The following KRT20 variants were observed in gnomAD, a reference collection of about 807,000 sequenced individuals.
KRT20 encodes keratin, type I cytoskeletal 20.
A neutral mutation model predicts 43.0 loss-of-function variants in KRT20; 41 were observed. That is an observed-to-expected ratio of 0.95 (90% confidence interval 0.74 to 1.24). The LOEUF is 1.24. KRT20 is among the 50% of genes most tolerant of loss of function. The pLI is 0.00. For missense variants in KRT20, 533 were observed against 521.2 expected, an observed-to-expected ratio of 1.02 and a Z score of -0.22; for synonymous variants, 207 against 200.6, an observed-to-expected ratio of 1.03 and a Z score of -0.27.
At position 40,881,227 on chromosome 17, in the gene KRT20, C is replaced by CTGTGTGTGTGTGTG. The variant is rs34632722; in HGVS notation, c.474-471_474-458dup. On this transcript the variant is annotated intron_variant, in intron 2 of 7. Coordinates refer to ENST00000167588, the MANE Select transcript of KRT20 (RefSeq NM_019010.3). ...CCTCCTCTACAATCTTACATACACACTGTGTGTGTGTGTGTGTGTGTGTGT... is the reference window on the plus strand; with the variant it reads ...CCTCCTCTACAATCTTACATACACACTGTGTGTGTGTGTGTGTGTGTGTGTGTGTGTGTGTGTGT... Among the ~76,000 whole-genome samples, 1,347 of 145,742 alleles carry CTGTGTGTGTGTGTG rather than the reference C, an allele frequency of 9.2e-3. 26 individuals are homozygous for CTGTGTGTGTGTGTG. Among genetic ancestry groups the CTGTGTGTGTGTGTG allele is most frequent in the African/African-American group, 0.033 (1,276 of 39,254 alleles).
Position 40,884,987 on chromosome 17 carries a change from C to G in KRT20, c.199G>C (p.Val67Leu). Residue 67 changes from valine to leucine, a missense_variant, in exon 1 of 8, where the codon GTT (valine) becomes CTT (leucine). Val to Leu is a conservative substitution (Grantham distance 32, BLOSUM62 1). Transcript: ENST00000167588. ...TGCATGGCCATTTTCTCATTGCCAACAAACAGGTCCCCGCCGCCTGTGAGA... is the reference window on the plus strand; with the variant it reads ...TGCATGGCCATTTTCTCATTGCCAAGAAACAGGTCCCCGCCGCCTGTGAGA... ...SDLTGGGDLF[V>L]GNEKMAMQNL... is the part of the protein sequence containing the mutation. 1 of 1,614,118 alleles carries G rather than the reference C, an allele frequency of 6.2e-7. No homozygotes were observed. Among genetic ancestry groups the G allele is most frequent in the East Asian group, 2.2e-5 (1 of 44,900 alleles).
chr17:40,876,402 C>T lies in KRT20; in HGVS notation c.1234G>A (p.Val412Ile), dbSNP rs758535549. The T allele has an allele frequency of 3.7e-6, 6 of 1,613,264 alleles. No individual in the cohort carries two copies. The highest frequency in any genetic ancestry group is 2.2e-5 in the East Asian group (1 of 44,884). The change falls in exon 8 of 8, where the codon GTC (valine) becomes ATC (isoleucine). Residue 412 changes from valine to isoleucine, a missense_variant. Transcript: ENST00000167588. ...ACCTCTTTGACTTCAGATGACACGA[C>T]CTTGCCATCCACTACTTCTTGCACG... is the stretch of plus-strand genomic sequence containing the variant. ...TVVQEVVDGK[V>I]VSSEVKEVEE...
chr17:40,880,595 C>T lies in KRT20; in HGVS notation c.630+19G>A, dbSNP rs771372665. On this transcript the variant is annotated intron_variant, in intron 3 of 7. Coordinates refer to ENST00000167588, the MANE Select transcript of KRT20 (RefSeq NM_019010.3). Reference sequence around the variant, plus strand: ...AACCATTCCATTGTTTCCAATACCACTTCTGAATATTTTCTCACCTCCTGA... The same window carrying T: ...AACCATTCCATTGTTTCCAATACCATTTCTGAATATTTTCTCACCTCCTGA... 1.9e-6 allele frequency: 3 copies of T among 1,607,238 alleles called. No individual in the cohort carries two copies. The highest frequency in any genetic ancestry group is 1.8e-4 in the Middle Eastern group (1 of 5,638).
rs553890601 is a variant in KRT20, at chr17:40,879,463, C to G, written c.918+350G>C. Among the ~76,000 whole-genome samples the G allele has an allele frequency of 3.9e-4, 59 of 152,110 alleles. 2 individuals are homozygous for G. In the Middle Eastern group the frequency reaches 0.024, roughly 61 times the overall value. On this transcript the variant is annotated intron_variant, in intron 5 of 7. Transcript: ENST00000167588. Reference sequence around the variant, plus strand: ...TAACCAATGGGTATTAGGTTTAATACCTGAGTGATGAAATAACCTGTACAA... The same window carrying G: ...TAACCAATGGGTATTAGGTTTAATAGCTGAGTGATGAAATAACCTGTACAA...
At chr17:40,879,114 A>G (rs1597850850) in intron 5 of KRT20, among the ~76,000 whole-genome samples, 1 of 152,160 alleles carries the variant, frequency 6.6e-6, no homozygotes, top group East Asian at 1.9e-4. Flanking sequence ...AAGTGGACCA[A>G]CCATTGCTCT....
At chr17:40,880,807 T>G (rs770257418) in intron 2 of KRT20, 37 bp from the exon 3 acceptor site, 28 of 1,432,902 alleles carry the variant, frequency 2.0e-5, no homozygotes, top group Non-Finnish European at 2.3e-5. Flanking sequence ...AACTGGTCCT[T>G]CTGAAGCCAT....
intron 1 of KRT20, among the ~76,000 whole-genome samples, chr17:40,883,047 A>G (rs1026114669): frequency 2.0e-5 from 3 of 152,130 alleles, no homozygotes; most frequent in Non-Finnish European, 4.4e-5. Flanking sequence ...GTTTACAAGG[A>G]TTTAGTTTAT....
In KRT20 at chr17:40,878,306, G is replaced by A; in HGVS notation, c.978C>T (p.Ala326=). ...GAGAGCTCAACAGCGACTGGAGGTT[G>A]GCTAACTGGCTGCTGTAACGGGCCT... ...ETKARYSSQL[A]NLQSLLSSLE... The change falls in exon 6 of 8, where the codon GCC becomes GCT. Residue 326 remains alanine, a synonymous_variant. Transcript: ENST00000167588. The A allele has an allele frequency of 6.2e-7, 1 of 1,614,180 alleles. No homozygotes were observed. The highest frequency in any genetic ancestry group is 8.5e-7 in the Non-Finnish European group (1 of 1,180,034).
At chr17:40,878,650 G>A (rs957492568) in intron 5 of KRT20, among the ~76,000 whole-genome samples, 3 of 152,122 alleles carry the variant, frequency 2.0e-5, no homozygotes, top group African/African-American at 7.2e-5. Flanking sequence ...GTGTGAAGAT[G>A]TTATACCTCT....
intron 5 of KRT20, among the ~76,000 whole-genome samples, chr17:40,878,705 A>G (rs566782335): frequency 3.9e-5 from 6 of 152,226 alleles, no homozygotes; most frequent in East Asian, 3.9e-4. Flanking sequence ...GCATTTCTCA[A>G]TTGCAGGATT....
At chr17:40,876,583 C>A in intron 7 of KRT20, 125 bp from the exon 8 acceptor site, 1 of 507,158 alleles carries the variant, frequency 2.0e-6, no homozygotes. Context: ...TTAAACCCAT[C>A]CTCTTTCTCA....
At chr17:40,879,647 G>T (rs927926667) in intron 5 of KRT20, among the ~76,000 whole-genome samples, 166 bp downstream of exon 5, 14 of 151,716 alleles carry the variant, frequency 9.2e-5, no homozygotes, top group Middle Eastern at 3.4e-3. Flanking sequence ...CCCTTTCCTC[G>T]ATTTCTCTCT....
At chr17:40,882,472 G>T (rs553105347) in intron 2 of KRT20, 100 bp downstream of exon 2, 3 of 495,270 alleles carry the variant, frequency 6.1e-6, no homozygotes, top group East Asian at 8.1e-5. Context: ...ACATTGAACC[G>T]TGCTTCCTTT....
rs370577040 is a variant in KRT20 at position 40,877,420 on chromosome 17, G to GTT, written c.1140-5_1140-4dup. 1,853 of 1,206,510 alleles carry GTT rather than the reference G, an allele frequency of 1.5e-3. No homozygotes were observed. The highest frequency in any genetic ancestry group is 7.9e-3 in the African/African-American group (472 of 60,022). 74.7% of individuals were successfully genotyped at this position (1,206,510 alleles called of 1,614,324 possible). ...TGCTTAACTGATATTCTGTAGTTCT[G>GTT]TTTTTTTTTTTAATGAAAAGAAGAA... is the stretch of plus-strand genomic sequence containing the variant. On this transcript the variant is annotated splice_region_variant and splice_polypyrimidine_tract_variant and intron_variant, in intron 6 of 7. Transcript: ENST00000167588.
intron 5 of KRT20, among the ~76,000 whole-genome samples, chr17:40,878,778 A>G (rs1907460638): frequency 6.6e-6 from 1 of 150,828 alleles, no homozygotes; most frequent in Non-Finnish European, 1.5e-5. Flanking sequence ...AATAAAATGC[A>G]GGTCAAACTG....
At position 40,885,197 on chromosome 17, in the gene KRT20, G is replaced by A; in HGVS notation, c.-12C>T. The A allele has an allele frequency of 6.3e-7, 1 of 1,584,396 alleles. No individual in the cohort carries two copies. The highest frequency in any genetic ancestry group is 8.6e-7 in the Non-Finnish European group (1 of 1,167,356). On this transcript the variant is annotated 5_prime_UTR_variant, in exon 1 of 8. Transcript: ENST00000167588. ...CGACTGAAATCCATTGGAGATTCCA[G>A]GAGGGAGCACCTGTAGCTTCAGGAT...
intron 1 of KRT20, 135 bp downstream of exon 1, chr17:40,884,661 G>T: frequency 1.0e-6 from 1 of 971,084 alleles, no homozygotes. Flanking sequence ...AAAGGTAGAT[G>T]AAAGAATTTT....
At chr17:40,876,952 A>G (rs1199453119) in intron 7 of KRT20, among the ~76,000 whole-genome samples, 1 of 152,122 alleles carries the variant, frequency 6.6e-6, no homozygotes, top group Non-Finnish European at 1.5e-5. Flanking sequence ...CCCCAATGTA[A>G]CAGTGTTGGG....
intron 3 of KRT20, 100 bp downstream of exon 3, chr17:40,880,514 C>A: frequency 9.7e-7 from 1 of 1,030,086 alleles, no homozygotes; most frequent in Non-Finnish European, 1.4e-6. Context: ...CTATCACCAC[C>A]AACTCTTCCC....
Sources: allele counts gnomAD v4.1 joint callset (sites outside exome capture counted in the v4.1 genomes callset), GRCh38; gene constraint gnomAD v4.1.1; transcripts MANE v1.5; gene names NCBI Gene and HGNC (gene_info 2026-07-23, HGNC 2026-07-21).